The following SLC22A4 variants were observed in gnomAD, a reference collection of about 807,000 sequenced individuals.
SLC22A4 encodes solute carrier family 22 member 4, also known as ET transporter.
Under a neutral mutation model 56.6 loss-of-function variants are expected in SLC22A4, and 39 were observed. The observed-to-expected ratio is 0.69, with a 90% CI of 0.53 to 0.90. SLC22A4 has a LOEUF of 0.90. Among genes scored for constraint, SLC22A4 ranks in the 40% least tolerant of loss-of-function variants. SLC22A4 has a pLI of 0.00. For missense variants in SLC22A4, 594 were observed against 696.5 expected (o/e 0.85, Z 1.66); for synonymous variants, 241 against 281.4 (o/e 0.86, Z 1.44).
intron 1 of SLC22A4, among the ~76,000 whole-genome samples, chr5:132,299,389 T>G (rs1749853473): frequency 8.1e-6 from 1 of 124,112 alleles, no homozygotes; most frequent in Non-Finnish European, 1.6e-5. Context: ...GTCAAATTAT[T>G]TTTCGTTTTA....
At chr5:132,320,333 AC>A (rs902026370) in intron 3 of SLC22A4, among the ~76,000 whole-genome samples, 11 of 152,216 alleles carry the variant, frequency 7.2e-5, no homozygotes, top group African/African-American at 2.4e-4. Context: ...CCAAAATCAA[AC>A]CCTCTGCCAC....
At chr5:132,324,426 G>A (rs273915) in intron 4 of SLC22A4, 3 of 446,124 alleles carry the variant, frequency 6.7e-6, no homozygotes, top group Non-Finnish European at 1.4e-5. Context: ...CCTGCTCACT[G>A]TGCCCTAAGG....
At chr5:132,329,562 A>G (rs1750797091) in intron 5 of SLC22A4, among the ~76,000 whole-genome samples, 2 of 151,892 alleles carry the variant, frequency 1.3e-5, no homozygotes, top group Middle Eastern at 3.2e-3. Context: ...GGGATTTGTG[A>G]CCTAGTTCTC....
intron 6 of SLC22A4, 72 bp downstream of exon 6, chr5:132,331,922 G>C: frequency 1.0e-6 from 1 of 958,112 alleles, no homozygotes. Flanking sequence ...TAACTCAGAG[G>C]AACATTATGA....
At chr5:132,331,519 A>AGG (rs1750858989) in intron 5 of SLC22A4, among the ~76,000 whole-genome samples, 1 of 152,208 alleles carries the variant, frequency 6.6e-6, no homozygotes, top group Non-Finnish European at 1.5e-5. Context: ...CTAACGAGAC[A>AGG]GGGAAGGGGG....
intron 1 of SLC22A4, among the ~76,000 whole-genome samples, chr5:132,307,696 T>C (rs905286158): frequency 6.6e-6 from 1 of 152,122 alleles, no homozygotes; most frequent in African/African-American, 2.4e-5. Flanking sequence ...TTTTTGAAGG[T>C]GAAGAAGCAG....
rs184981826 is a variant in SLC22A4, at chr5:132,330,397, C to A, written c.952-1359C>A. Among the ~76,000 whole-genome samples the A allele has an allele frequency of 3.4e-4, 52 of 152,334 alleles. No homozygotes were observed. In the East Asian group the frequency reaches 6.9e-3, roughly 20 times the overall value. ...TCTAATCAGCTTGGTTACCTTGATT[C>A]ATAACTCATAGCAAGTTAATATCAG... On this transcript the variant is annotated intron_variant, in intron 5 of 9. Coordinates refer to ENST00000200652, the MANE Select transcript of SLC22A4 (RefSeq NM_003059.3).
In SLC22A4 at chr5:132,326,932, T is replaced by G. The variant is rs957061447; in HGVS notation, c.825-345T>G. Among the ~76,000 whole-genome samples the G allele has an allele frequency of 1.1e-4, 16 of 152,368 alleles. No homozygotes were observed. The East Asian group carries it at 3.1e-3, about 29-fold the overall frequency. On this transcript the variant is annotated intron_variant, in intron 4 of 9. Transcript: ENST00000200652. ...AAGACAGTCTCTTCTCTAGGGGAAC[T>G]TATAGTCTAGTAGCTATGTTTCTTT... is the stretch of plus-strand genomic sequence containing the variant.
chr5:132,329,057 A>G (rs1750780013), intron 5 of SLC22A4, among the ~76,000 whole-genome samples: 1 of 149,364 alleles, frequency 6.7e-6, no homozygotes, highest in Non-Finnish European at 1.5e-5. Context: ...TCCCACCTCA[A>G]CCTCCCAAGC....
chr5:132,338,384 C>T (rs968283928), intron 8 of SLC22A4, among the ~76,000 whole-genome samples: 16 of 152,068 alleles, frequency 1.1e-4, no homozygotes, highest in East Asian at 5.8e-4. Flanking sequence ...ACCACAGGAC[C>T]GGGGCAAAAT....
chr5:132,321,910 AAATAAT>A (rs945095175), intron 3 of SLC22A4, among the ~76,000 whole-genome samples: 4 of 151,654 alleles, frequency 2.6e-5, no homozygotes, highest in Non-Finnish European at 4.4e-5. Context: ...TTTGTCTCAA[AAATAAT>A]AATAATAATA....
intron 2 of SLC22A4, 139 bp downstream of exon 2, chr5:132,312,403 C>G (rs1359148574): frequency 1.4e-6 from 1 of 695,098 alleles, no homozygotes; most frequent in Non-Finnish European, 2.6e-6. Flanking sequence ...ATAGGAGGAG[C>G]CCCGATGTCT....
intron 7 of SLC22A4, 56 bp from the exon 8 acceptor site, chr5:132,335,750 AAAAATAACTGAT>A: frequency 7.5e-7 from 1 of 1,327,398 alleles, no homozygotes. Flanking sequence ...AAAGGACAAT[AAAAATAACTGAT>A]ATAAGAAAGT....
At chr5:132,305,592 G>A (rs1156816269) in intron 1 of SLC22A4, among the ~76,000 whole-genome samples, 2 of 152,136 alleles carry the variant, frequency 1.3e-5, no homozygotes, top group African/African-American at 4.8e-5. Flanking sequence ...TAAGATCAAC[G>A]TTTGACTTCT....
At chr5:132,327,174 A>G in intron 4 of SLC22A4, 103 bp from the exon 5 acceptor site, 1 of 948,656 alleles carries the variant, frequency 1.1e-6, no homozygotes, top group Non-Finnish European at 1.6e-6. Flanking sequence ...AAAAAGACAA[A>G]CTAGAATTTT....
intron 9 of SLC22A4, among the ~76,000 whole-genome samples, chr5:132,342,487 A>G (rs1751249263): frequency 6.6e-6 from 1 of 152,228 alleles, no homozygotes; most frequent in Non-Finnish European, 1.5e-5. Flanking sequence ...TGAGTGTCCT[A>G]TAATGCAGTT....
At chr5:132,295,158 CA>C in intron 1 of SLC22A4, 149 bp downstream of exon 1, 1 of 958,780 alleles carries the variant, frequency 1.0e-6, no homozygotes, top group Non-Finnish European at 1.6e-6. Flanking sequence ...GTGTGCACCC[CA>C]AGAAAGAATA....
At chr5:132,311,710 G>T (rs186133703) in intron 1 of SLC22A4, 2 of 193,526 alleles carry the variant, frequency 1.0e-5, no homozygotes, top group Non-Finnish European at 2.2e-5. Context: ...CAAGGGAAAA[G>T]AAATTTTACG....
rs148936987 is a variant in SLC22A4, at chr5:132,334,856, G to A, written c.1185G>A (p.Leu395=). Residue 395 remains leucine (L), a synonymous_variant, in exon 7 of 10, where the codon CTG becomes CTA. Coordinates refer to ENST00000200652, the MANE Select transcript of SLC22A4 (RefSeq NM_003059.3). ...YITAWLLLRT[L]PRRYIIAAVL... is the part of the protein sequence containing the mutation. The stretch of plus-strand genomic sequence containing the variant: ...CAGCCTGGCTGCTATTGCGAACCCT[G>A]CCCAGGCGTTATATCATAGCTGCAG... 3 of 1,613,646 alleles carry A rather than the reference G, an allele frequency of 1.9e-6. No individual in the cohort carries two copies. Among genetic ancestry groups the A allele is most frequent in the Non-Finnish European group, 2.5e-6 (3 of 1,179,650 alleles).
Sources: gnomAD v4.1 joint callset for allele counts (sites outside exome capture counted in the v4.1 genomes callset) on GRCh38, gnomAD v4.1.1 for gene constraint, MANE v1.5 for transcripts, NCBI Gene and HGNC (gene_info 2026-07-23, HGNC 2026-07-21) for gene names.